The following TRPM3 variants were observed in gnomAD, a reference collection of about 807,000 sequenced individuals.
TRPM3 encodes long transient receptor potential channel 3.
In TRPM3, 77 loss-of-function variants were observed where a neutral mutation model predicts 181.2. The observed-to-expected ratio is 0.42, with a 90% CI of 0.35 to 0.51. TRPM3 has a LOEUF of 0.51. Among genes scored for constraint, TRPM3 ranks in the 20% least tolerant of loss-of-function variants. The pLI is 0.01. For missense variants in TRPM3, 1,759 were observed against 2,196.7 expected (o/e 0.80, Z 3.98); for synonymous variants, 745 against 796.4 (o/e 0.94, Z 1.09).
At chr9:70,967,284 C>A (rs2097195108) in intron 1 of TRPM3, among the ~76,000 whole-genome samples, 1 of 151,998 alleles carries the variant, frequency 6.6e-6, no homozygotes, top group African/African-American at 2.4e-5. Context: ...AGAGGAATCC[C>A]TGTGGGCAGG....
At position 71,023,797 on chromosome 9, in the gene TRPM3, C is replaced by T. The variant is rs536768317; in HGVS notation, c.177+97381G>A. On this transcript the variant is annotated intron_variant, in intron 1 of 25. Coordinates refer to ENST00000677713, the MANE Select transcript of TRPM3 (RefSeq NM_001366145.2). ...AAGACAAAACTTTAGAAATGGAGAA[C>T]AGATTAGTGGCCACTAGGCCTTAGG... is the stretch of plus-strand genomic sequence containing the variant. Among the ~76,000 whole-genome samples the T allele has an allele frequency of 6.4e-4, 97 of 151,380 alleles. No homozygotes were observed. In the Middle Eastern group the frequency reaches 0.014, roughly 22 times the overall value.
intron 1 of TRPM3, among the ~76,000 whole-genome samples, chr9:71,433,330 T>C (rs371318500): frequency 3.9e-5 from 6 of 152,164 alleles, no homozygotes; most frequent in Non-Finnish European, 7.3e-5. Flanking sequence ...TGACAGTGAG[T>C]GAGTTCTCAC....
At chr9:71,319,451 C>T (rs1191399280) in intron 1 of TRPM3, among the ~76,000 whole-genome samples, 1 of 152,116 alleles carries the variant, frequency 6.6e-6, no homozygotes, top group Non-Finnish European at 1.5e-5. Context: ...GAAGAAGATA[C>T]ACGTTCCAGC....
At chr9:71,204,226 C>T (rs2078982826) in intron 1 of TRPM3, among the ~76,000 whole-genome samples, 1 of 150,874 alleles carries the variant, frequency 6.6e-6, no homozygotes, top group Non-Finnish European at 1.5e-5. Context: ...TCTAATTAAA[C>T]TAAAGAGCTT....
chr9:70,589,242 T>A (rs910802989), intron 22 of TRPM3, among the ~76,000 whole-genome samples: 13 of 152,312 alleles, frequency 8.5e-5, no homozygotes, highest in Middle Eastern at 3.4e-3. Context: ...AAAATAACAA[T>A]AATAAATCCT....
chr9:70,852,939 C>A (rs947034829), intron 3 of TRPM3, among the ~76,000 whole-genome samples: 3 of 152,224 alleles, frequency 2.0e-5, no homozygotes, highest in African/African-American at 7.2e-5. Flanking sequence ...AACTCTTAAT[C>A]AAACCCAGTG....
intron 1 of TRPM3, among the ~76,000 whole-genome samples, chr9:70,969,362 G>T (rs538681400): frequency 6.6e-6 from 1 of 151,850 alleles, no homozygotes; most frequent in Non-Finnish European, 1.5e-5. Context: ...ACCATGTCAC[G>T]TGTACACCTA....
chr9:71,344,050 T>TAGATTAGATTA (rs1554880746), intron 1 of TRPM3, among the ~76,000 whole-genome samples: 14 of 149,360 alleles, frequency 9.4e-5, no homozygotes, highest in African/African-American at 2.2e-4. Flanking sequence ...TAGATTAGAT[T>TAGATTAGATTA]GATAGATAGA....
chr9:70,884,738 A>G (rs2096059773), intron 1 of TRPM3, among the ~76,000 whole-genome samples: 1 of 152,196 alleles, frequency 6.6e-6, no homozygotes, highest in African/African-American at 2.4e-5. Flanking sequence ...TTAAGTGATT[A>G]AATATAAATT....
intron 1 of TRPM3, among the ~76,000 whole-genome samples, chr9:71,329,900 G>A (rs1170975211): frequency 6.6e-6 from 1 of 152,092 alleles, no homozygotes; most frequent in Non-Finnish European, 1.5e-5. Context: ...ATGAACCCTT[G>A]TACAAATAAA....
intron 1 of TRPM3, among the ~76,000 whole-genome samples, chr9:71,384,286 C>G (rs2092876220): frequency 6.6e-6 from 1 of 152,138 alleles, no homozygotes; most frequent in South Asian, 2.1e-4. Context: ...TATTTTGAGT[C>G]AATAACCTCT....
chr9:70,654,196 T>G (rs1564720280), intron 9 of TRPM3, among the ~76,000 whole-genome samples: 1 of 152,146 alleles, frequency 6.6e-6, no homozygotes, highest in Non-Finnish European at 1.5e-5. Flanking sequence ...CTTGTCTGTG[T>G]GCATTTGTGT....
intron 1 of TRPM3, among the ~76,000 whole-genome samples, chr9:71,273,398 G>A (rs1453091972): frequency 6.6e-6 from 1 of 152,172 alleles, no homozygotes; most frequent in African/African-American, 2.4e-5. Context: ...TCTGCCACAT[G>A]ACCTCTCAGC....
intron 1 of TRPM3, among the ~76,000 whole-genome samples, chr9:71,321,011 C>T (rs910174593): frequency 3.9e-4 from 60 of 152,232 alleles, no homozygotes; most frequent in Non-Finnish European, 8.2e-4. Flanking sequence ...AGCACAGTCT[C>T]TTTCCATCTG....
chr9:70,760,114 A>G (rs1225884119), intron 8 of TRPM3, among the ~76,000 whole-genome samples: 1 of 152,226 alleles, frequency 6.6e-6, no homozygotes, highest in Non-Finnish European at 1.5e-5. Flanking sequence ...AAATTTAGGC[A>G]GAATTCTGCA....
intron 8 of TRPM3, among the ~76,000 whole-genome samples, chr9:70,694,568 C>G (rs968883328): frequency 2.1e-4 from 32 of 152,302 alleles, no homozygotes; most frequent in African/African-American, 7.7e-4. Flanking sequence ...GCAAGCTCCG[C>G]CTCCTGGGTT....
chr9:70,635,259 T>C lies in TRPM3; in HGVS notation c.1584A>G (p.Arg528=). 2 of 1,613,750 alleles carry C rather than the reference T, an allele frequency of 1.2e-6. No individual in the cohort carries two copies. The highest frequency in any genetic ancestry group is 1.7e-6 in the Non-Finnish European group (2 of 1,179,822). Residue 528 remains arginine (R), a splice_region_variant and synonymous_variant, in exon 12 of 26, where the codon AGA becomes AGG. Coordinates refer to ENST00000677713, the MANE Select transcript of TRPM3 (RefSeq NM_001366145.2). ...ISRLEELYNT[R]HGPSNTLYHL... ...GGTACAATGTATTTGAGGGCCCATG[T>C]CTCTGAAAACAATAAAGAAGAATCA...
chr9:71,285,343 G>T (rs527690526), intron 1 of TRPM3, among the ~76,000 whole-genome samples: 2 of 152,192 alleles, frequency 1.3e-5, no homozygotes, highest in East Asian at 3.9e-4. Flanking sequence ...GGTCGTAGCT[G>T]CACTATGTAA....
chr9:70,926,216 A>C (rs915768946), intron 1 of TRPM3, among the ~76,000 whole-genome samples: 5 of 152,162 alleles, frequency 3.3e-5, no homozygotes, highest in African/African-American at 9.7e-5. Flanking sequence ...AATGGGAATA[A>C]ATTATAAATC....
Sources: allele counts gnomAD v4.1 joint callset (sites outside exome capture counted in the v4.1 genomes callset), GRCh38; gene constraint gnomAD v4.1.1; transcripts MANE v1.5; gene names NCBI Gene and HGNC (gene_info 2026-07-23, HGNC 2026-07-21).